Variants in BORCS5 observed in about 807,000 individuals in gnomAD.
BORCS5 encodes BLOC-1 related complex subunit 5, also known as BLOC-1-related complex subunit 5.
Under a neutral mutation model 22.1 loss-of-function variants are expected in BORCS5, and 17 were observed. That is an observed-to-expected ratio of 0.77 (90% confidence interval 0.53 to 1.15). BORCS5 has a LOEUF of 1.15. Ranked by LOEUF, BORCS5 falls within the 50% of genes most tolerant of loss-of-function variation. The pLI, the probability that BORCS5 is intolerant of heterozygous loss-of-function variation, is 0.00. For synonymous variants in BORCS5, 117 were observed against 99.8 expected (o/e 1.17, Z -1.03); for missense variants, 247 against 253.2 (o/e 0.98, Z 0.17).
At chr12:12,394,577 T>A (rs1323852175) in intron 2 of BORCS5, among the ~76,000 whole-genome samples, 2 of 151,980 alleles carry the variant, frequency 1.3e-5, no homozygotes, top group Admixed American at 1.3e-4. Context: ...GTACGTTGCC[T>A]GGGCTGAACT....
chr12:12,391,462 T>C (rs1456021919), intron 2 of BORCS5, among the ~76,000 whole-genome samples: 4 of 151,560 alleles, frequency 2.6e-5, no homozygotes, highest in African/African-American at 9.7e-5. Flanking sequence ...CTCGGCTCAC[T>C]TCAACCTCCA....
At chr12:12,414,220 C>T (rs1226420111) in intron 2 of BORCS5, among the ~76,000 whole-genome samples, 5 of 90,790 alleles carry the variant, frequency 5.5e-5, no homozygotes, top group South Asian at 3.4e-4. Context: ...GACCCCCCCA[C>T]CTCCCTCCCG....
At chr12:12,380,495 C>A (rs1189998903) in intron 2 of BORCS5, among the ~76,000 whole-genome samples, 1 of 151,462 alleles carries the variant, frequency 6.6e-6, no homozygotes, top group East Asian at 1.9e-4. Flanking sequence ...TTTCTGGACA[C>A]TTCATCTAAA....
At chr12:12,420,670 T>C (rs1042457024) in intron 2 of BORCS5, among the ~76,000 whole-genome samples, 1 of 152,224 alleles carries the variant, frequency 6.6e-6, no homozygotes, top group Non-Finnish European at 1.5e-5. Context: ...ATTCTTTGTA[T>C]CCGTGAGCAT....
chr12:12,454,736 A>G (rs1351806156), intron 3 of BORCS5, among the ~76,000 whole-genome samples: 1 of 152,244 alleles, frequency 6.6e-6, no homozygotes, highest in East Asian at 1.9e-4. Context: ...ATTCATTGTT[A>G]GAATAATATA....
chr12:12,415,564 A>AGGGGGAGGGGGAG (rs1941920465), intron 2 of BORCS5, among the ~76,000 whole-genome samples: 1 of 6,754 alleles, frequency 1.5e-4, no homozygotes, highest in Non-Finnish European at 2.8e-4. Context: ...AGAGAGGGGG[A>AGGGGGAGGGGGAG]GGGGGAGGGG....
intron 2 of BORCS5, among the ~76,000 whole-genome samples, chr12:12,430,704 C>T (rs1191801028): frequency 1.3e-5 from 2 of 152,156 alleles, no homozygotes; most frequent in East Asian, 3.8e-4. Flanking sequence ...AATTCCCCCT[C>T]TTTACCCCTT....
At chr12:12,424,178 G>A (rs541637621) in intron 2 of BORCS5, among the ~76,000 whole-genome samples, 2 of 151,884 alleles carry the variant, frequency 1.3e-5, no homozygotes, top group African/African-American at 2.4e-5. Context: ...CAATGCATAC[G>A]GTTATCCACT....
At chr12:12,462,899 C>T (rs556087696) in intron 3 of BORCS5, among the ~76,000 whole-genome samples, 3 of 121,582 alleles carry the variant, frequency 2.5e-5, no homozygotes, top group South Asian at 4.6e-4. Context: ...TCAGGCAATC[C>T]GCCCTCCTCA....
At chr12:12,362,851 A>G (rs778399904) in intron 2 of BORCS5, among the ~76,000 whole-genome samples, 1 of 151,450 alleles carries the variant, frequency 6.6e-6, no homozygotes, top group South Asian at 2.1e-4. Flanking sequence ...GGGTTTCACC[A>G]TGTTGGCCAG....
intron 2 of BORCS5, among the ~76,000 whole-genome samples, chr12:12,409,309 G>C (rs897235007): frequency 5.3e-5 from 8 of 151,988 alleles, no homozygotes; most frequent in African/African-American, 1.9e-4. Context: ...CCATGTTGGT[G>C]TGCTGTACCC....
At chr12:12,438,964 C>T (rs1592128973) in intron 3 of BORCS5, among the ~76,000 whole-genome samples, 1 of 152,206 alleles carries the variant, frequency 6.6e-6, no homozygotes, top group Non-Finnish European at 1.5e-5. Flanking sequence ...TAACACTTTA[C>T]ATAACCTTCG....
chr12:12,396,889 C>G (rs889993684), intron 2 of BORCS5, among the ~76,000 whole-genome samples: 1 of 152,192 alleles, frequency 6.6e-6, no homozygotes, highest in Non-Finnish European at 1.5e-5. Flanking sequence ...GCTCAGCATA[C>G]TTTTTGAAAA....
At chr12:12,425,417 C>T (rs148731414) in intron 2 of BORCS5, among the ~76,000 whole-genome samples, 1 of 152,228 alleles carries the variant, frequency 6.6e-6, no homozygotes, top group African/African-American at 2.4e-5. Context: ...TTAGGAACCC[C>T]CATACTGTTT....
chr12:12,450,012 T>C (rs1942878869), intron 3 of BORCS5, among the ~76,000 whole-genome samples: 1 of 152,246 alleles, frequency 6.6e-6, no homozygotes, highest in African/African-American at 2.4e-5. Context: ...ATTTCCCTTA[T>C]GGTCAGAAAT....
In BORCS5 at chr12:12,469,498, C is replaced by G. The variant is rs555683029; in HGVS notation, c.*3722C>G. 11 of 152,236 alleles carry G rather than the reference C, an allele frequency of 7.2e-5. No individual in the cohort carries two copies. Among genetic ancestry groups the G allele is most frequent in the African/African-American group, 2.7e-4 (11 of 41,436 alleles). The allele number at this position is 152,236 out of a possible 1,614,324, so 9.4% of individuals were successfully genotyped here. A position where few individuals can be genotyped will look rare whatever the true frequency, so the allele number is the denominator to read the frequency against. On this transcript the variant is annotated 3_prime_UTR_variant, in exon 4 of 4. Transcript: ENST00000314565. ...TATGAAAGAGGTTGGTACTGTTACC[C>G]TTACGTTATAGGTATTACAAACTCG...
intron 2 of BORCS5, among the ~76,000 whole-genome samples, chr12:12,408,598 C>A (rs1405182630): frequency 3.9e-5 from 6 of 152,294 alleles, no homozygotes. Flanking sequence ...GTTCTACTTT[C>A]TTTCTCTATG....
intron 2 of BORCS5, among the ~76,000 whole-genome samples, chr12:12,399,431 G>C (rs1941420862): frequency 6.6e-6 from 1 of 152,318 alleles, no homozygotes; most frequent in South Asian, 2.1e-4. Context: ...TGGGGTGGAG[G>C]TCAGGGTTGC....
rs1174159985 is a variant in BORCS5 at position 12,382,533 on chromosome 12, TC to T, written c.202+21185del. On this transcript the variant is annotated intron_variant, in intron 2 of 3. Transcript: ENST00000314565. ...TCTTATGGTTCTATGATGGTATATATCTTTTTTTTTTTTTTTTTTGAGACAA... is the reference window on the plus strand; with the variant it reads ...TCTTATGGTTCTATGATGGTATATATTTTTTTTTTTTTTTTTTTGAGACAA... Among the ~76,000 whole-genome samples the T allele has an allele frequency of 7.8e-3, 1,108 of 142,008 alleles. 38 individuals are homozygous for T. The highest frequency in any genetic ancestry group is 0.03 in the African/African-American group (1,041 of 34,246). 93.2% of individuals were successfully genotyped at this position (142,008 alleles called of 152,430 possible).
Sources: allele counts gnomAD v4.1 joint callset (sites outside exome capture counted in the v4.1 genomes callset), GRCh38; gene constraint gnomAD v4.1.1; transcripts MANE v1.5; gene names NCBI Gene and HGNC (gene_info 2026-07-23, HGNC 2026-07-21).